Variants in DENND1A observed in about 807,000 individuals in gnomAD.
The protein encoded by DENND1A is DENN domain containing 1A.
Under a neutral mutation model 113.7 loss-of-function variants are expected in DENND1A, and 51 were observed. That is an observed-to-expected ratio of 0.45 (90% CI 0.36 to 0.57). The LOEUF (loss-of-function observed/expected upper bound fraction) is 0.57. Ranked by LOEUF, DENND1A falls within the 20% of genes least tolerant of loss-of-function variation. The pLI, the probability that DENND1A is intolerant of heterozygous loss-of-function variation, is 0.00. For synonymous variants in DENND1A, 565 were observed against 570.8 expected (o/e 0.99, Z 0.14); for missense variants, 1,258 against 1,395.9 (o/e 0.90, Z 1.57).
chr9:123,838,175 A>G (rs1336038765), intron 2 of DENND1A, among the ~76,000 whole-genome samples: 1 of 152,196 alleles, frequency 6.6e-6, no homozygotes, highest in Non-Finnish European at 1.5e-5. Context: ...AATCGAATCA[A>G]CAATCCACTA....
chr9:123,457,832 C>T lies in DENND1A; in HGVS notation c.1059G>A (p.Gln353=). Residue 353 remains glutamine, a synonymous_variant, in exon 14 of 24, where the codon CAG becomes CAA. Transcript: ENST00000394215. The part of the protein sequence containing the change: ...VSHYRSGAMR[Q]FLQNATQLQL... ...GCAGCTGTGTGGCGTTCTGCAGGAA[C>T]TGCCTCATGGCTCCGGAGCGGTAGT... is the stretch of plus-strand genomic sequence containing the variant. 1 of 1,612,800 alleles carries T rather than the reference C, an allele frequency of 6.2e-7. No individual in the cohort carries two copies. Among genetic ancestry groups the T allele is most frequent in the Non-Finnish European group, 8.5e-7 (1 of 1,179,494 alleles).
intron 13 of DENND1A, among the ~76,000 whole-genome samples, chr9:123,535,193 A>C (rs893598516): frequency 6.6e-6 from 1 of 152,034 alleles, no homozygotes; most frequent in Non-Finnish European, 1.5e-5. Context: ...TTCCCACACA[A>C]CAGCCAAAAT....
At position 123,805,257 on chromosome 9, in the gene DENND1A, A is replaced by G. The variant is rs557872602; in HGVS notation, c.89-12627T>C. Among the ~76,000 whole-genome samples, 36 of 152,216 alleles carry G rather than the reference A, an allele frequency of 2.4e-4. No individual in the cohort carries two copies. In the South Asian group the frequency reaches 6.8e-3, roughly 29 times the overall value. Reference sequence around the variant, plus strand: ...TCTTTAGTGCATTTCACCATGCAACATATTATATACAGGTAGAGTAGCTTC... The same window carrying G: ...TCTTTAGTGCATTTCACCATGCAACGTATTATATACAGGTAGAGTAGCTTC... On this transcript the variant is annotated intron_variant, in intron 2 of 23. Transcript: ENST00000394215.
At chr9:123,674,789 T>C (rs2063964366) in intron 6 of DENND1A, among the ~76,000 whole-genome samples, 1 of 151,884 alleles carries the variant, frequency 6.6e-6, no homozygotes, top group South Asian at 2.1e-4. Context: ...CTTTCCCAAA[T>C]CACATGTTTT....
chr9:123,545,845 T>C (rs113467770), intron 13 of DENND1A, among the ~76,000 whole-genome samples: 2,706 of 152,204 alleles, frequency 0.018, 93 homozygotes, highest in African/African-American at 0.061. Flanking sequence ...GGCTGCAAAT[T>C]GTCAAATGTT....
chr9:123,599,712 A>G (rs556620959), intron 11 of DENND1A, among the ~76,000 whole-genome samples: 2 of 152,362 alleles, frequency 1.3e-5, no homozygotes, highest in African/African-American at 4.8e-5. Flanking sequence ...ATTTTCCCCA[A>G]CAAAAGCAAA....
intron 2 of DENND1A, among the ~76,000 whole-genome samples, chr9:123,824,420 T>C (rs1016326493): frequency 3.1e-4 from 47 of 152,304 alleles, no homozygotes; most frequent in African/African-American, 1.1e-3. Context: ...AATATCTCAG[T>C]AGTTGTTTGC....
rs115584170 is a variant in DENND1A at position 123,449,066 on chromosome 9, G to A, written c.1356+1627C>T. Among the ~76,000 whole-genome samples the A allele has an allele frequency of 4.8e-3, 732 of 152,332 alleles. 5 individuals are homozygous for A. Among genetic ancestry groups the A allele is most frequent in the African/African-American group, 0.017 (702 of 41,576 alleles). ...TAAGAACACACAGCCACCAGAAGTC[G>A]ATGGAGCTGGGATCCAATTCTGGCT... On this transcript the variant is annotated intron_variant, in intron 18 of 23. Coordinates refer to ENST00000394215, the MANE Select transcript of DENND1A (RefSeq NM_001352964.2).
chr9:123,549,753 T>C (rs2056927885), intron 13 of DENND1A, among the ~76,000 whole-genome samples: 1 of 152,166 alleles, frequency 6.6e-6, no homozygotes, highest in African/African-American at 2.4e-5. Context: ...TCTTGTTAAA[T>C]GGGGGCGGGG....
chr9:123,924,387 G>T (rs1218377417), intron 1 of DENND1A, among the ~76,000 whole-genome samples: 1 of 152,068 alleles, frequency 6.6e-6, no homozygotes, highest in African/African-American at 2.4e-5. Context: ...TAAATTTTAG[G>T]GCTGGGCACA....
In DENND1A at chr9:123,699,392, T is replaced by A. The variant is rs1011935097; in HGVS notation, c.303-22603A>T. 2.0e-5 allele frequency among the ~76,000 whole-genome samples: 3 copies of A among 152,152 alleles called. No individual in the cohort carries two copies. The East Asian group carries it at 5.8e-4, about 29-fold the overall frequency. ...AATATATACATTTAAGTTATCTGTA[T>A]ATTACATATATTATAAGACAACATC... On this transcript the variant is annotated intron_variant, in intron 5 of 23. Coordinates refer to ENST00000394215, the MANE Select transcript of DENND1A (RefSeq NM_001352964.2).
intron 1 of DENND1A, among the ~76,000 whole-genome samples, chr9:123,926,185 C>A (rs560655955): frequency 6.6e-6 from 1 of 152,180 alleles, no homozygotes; most frequent in Non-Finnish European, 1.5e-5. Context: ...ATTTAGGTTT[C>A]CAGGGTGCTA....
At chr9:123,413,586 A>C in intron 19 of DENND1A, 1 of 985,508 alleles carries the variant, frequency 1.0e-6, no homozygotes, top group Non-Finnish European at 1.2e-6. Flanking sequence ...CCTGAGGGGA[A>C]AGCGGGTCCA....
chr9:123,799,619 C>T (rs2132194548), intron 2 of DENND1A, among the ~76,000 whole-genome samples: 1 of 152,264 alleles, frequency 6.6e-6, no homozygotes, highest in Admixed American at 6.5e-5. Flanking sequence ...CACGGCACGC[C>T]CACTTCTGAA....
intron 13 of DENND1A, among the ~76,000 whole-genome samples, chr9:123,546,425 G>A (rs1013270525): frequency 1.6e-4 from 24 of 151,956 alleles, no homozygotes; most frequent in Non-Finnish European, 2.5e-4. Flanking sequence ...GGTGGTAGGC[G>A]CCTGTAGTCC....
Position 123,637,951 on chromosome 9 carries a change from G to A in DENND1A, c.619-7475C>T, listed in dbSNP as rs150059201. ...CACACACGCACACACACACACACACGCGCACACACACACACACACACACCA... is the reference window on the plus strand; with the variant it reads ...CACACACGCACACACACACACACACACGCACACACACACACACACACACCA... On this transcript the variant is annotated intron_variant, in intron 9 of 23. Coordinates refer to ENST00000394215, the MANE Select transcript of DENND1A (RefSeq NM_001352964.2). Among the ~76,000 whole-genome samples the A allele has an allele frequency of 9.7e-3, 173 of 17,768 alleles. No homozygotes were observed. In the Middle Eastern group the frequency reaches 0.1, roughly 11 times the overall value. The allele number at this position is 17,768 out of a possible 152,430, so 11.7% of individuals were successfully genotyped here. A position where few individuals can be genotyped will look rare whatever the true frequency, so the allele number is the denominator to read the frequency against.
intron 2 of DENND1A, among the ~76,000 whole-genome samples, chr9:123,878,375 T>C (rs1434375807): frequency 1.3e-5 from 2 of 152,166 alleles, no homozygotes; most frequent in Non-Finnish European, 2.9e-5. Context: ...AAATATATGC[T>C]GCCTGCACAA....
chr9:123,782,271 C>T (rs539838613), intron 3 of DENND1A, among the ~76,000 whole-genome samples: 1 of 152,158 alleles, frequency 6.6e-6, no homozygotes, highest in South Asian at 2.1e-4. Context: ...AAAAAATGTT[C>T]TCAACGCTTT....
intron 5 of DENND1A, 87 bp from the exon 6 acceptor site, chr9:123,676,876 G>A: frequency 7.8e-7 from 1 of 1,274,360 alleles, no homozygotes; most frequent in African/African-American, 1.5e-5. Context: ...ATACATTTCA[G>A]TTTTGCTCTA....
Sources: gnomAD v4.1 joint callset for allele counts (sites outside exome capture counted in the v4.1 genomes callset) on GRCh38, gnomAD v4.1.1 for gene constraint, MANE v1.5 for transcripts, NCBI Gene and HGNC (gene_info 2026-07-23, HGNC 2026-07-21) for gene names.